ANKRD27: variants seen among roughly 807,000 people sequenced by gnomAD.
ANKRD27 encodes ankyrin repeat domain 27, also known as ankyrin repeat domain-containing protein 27.
Under a neutral mutation model 129.7 loss-of-function variants are expected in ANKRD27, and 112 were observed. The ratio of observed to expected loss-of-function variants is 0.86; its 90% CI spans 0.74 to 1.01. The LOEUF is 1.01. Among genes scored for constraint, ANKRD27 ranks in the 50% least tolerant of loss-of-function variants. ANKRD27 has a pLI of 0.00. For synonymous variants in ANKRD27, 516 were observed against 511.2 expected, an observed-to-expected ratio of 1.01 and a Z score of -0.13; for missense variants, 1,258 against 1,300.5, an observed-to-expected ratio of 0.97 and a Z score of 0.50.
intron 1 of ANKRD27, among the ~76,000 whole-genome samples, chr19:32,666,824 T>G (rs541229401): frequency 6.6e-6 from 1 of 152,120 alleles, no homozygotes; most frequent in East Asian, 1.9e-4. Flanking sequence ...TTTTTTTATT[T>G]TTAGTAGAGA....
rs371955294 is a variant in ANKRD27, at chr19:32,619,417, C to G, written c.1888-38G>C. ...AGCCCCAACGAGAGAGAGGACAGGA[C>G]ACAAGGACACGTGAGGACCAGAGAA... On this transcript the variant is annotated intron_variant, in intron 19 of 28. Coordinates refer to ENST00000306065, the MANE Select transcript of ANKRD27 (RefSeq NM_032139.3). 2.1e-5 allele frequency: 34 copies of G among 1,613,774 alleles called. No individual in the cohort carries two copies. In the African/African-American group the frequency reaches 4.3e-4, roughly 20 times the overall value.
Position 32,607,702 on chromosome 19 carries a change from T to C in ANKRD27, c.2306A>G (p.Asn769Ser), listed in dbSNP as rs1971766033. 1.2e-6 allele frequency: 2 copies of C among 1,613,030 alleles called. No homozygotes were observed. Among genetic ancestry groups the C allele is most frequent in the Non-Finnish European group, 1.7e-6 (2 of 1,179,718 alleles). ...TTGGTCTGCGTTCCTGGCACCTGCGTTGGCCCCGTGCTTCAGCAGGAGGGG... is the reference window on the plus strand; with the variant it reads ...TTGGTCTGCGTTCCTGGCACCTGCGCTGGCCCCGTGCTTCAGCAGGAGGGG... ...LIPLLLKHGANAGARNADQAV... is the reference protein window; with the variant it reads ...LIPLLLKHGASAGARNADQAV... Residue 769 changes from asparagine (N) to serine (S), a missense_variant, in exon 23 of 29, where the codon AAC (asparagine) becomes AGC (serine). Asn to Ser is a conservative substitution (Grantham distance 46). Transcript: ENST00000306065.
At chr19:32,619,151 C>A in intron 20 of ANKRD27, 109 bp downstream of exon 20, 1 of 1,428,540 alleles carries the variant, frequency 7.0e-7, no homozygotes, top group Non-Finnish European at 9.4e-7. Context: ...TCAGCATGGG[C>A]AAGCAGGCTG....
In ANKRD27 at chr19:32,656,017, C is replaced by CA. The variant is rs200251664; in HGVS notation, c.102+2896dup. Among the ~76,000 whole-genome samples the CA allele has an allele frequency of 6.6e-4, 45 of 68,212 alleles. No homozygotes were observed. The East Asian group carries it at 0.014, about 20-fold the overall frequency. 44.7% of individuals were successfully genotyped at this position (68,212 alleles called of 152,430 possible). A position where few individuals can be genotyped will look rare whatever the true frequency, so the allele number is the denominator to read the frequency against. On this transcript the variant is annotated intron_variant, in intron 2 of 28. Coordinates refer to ENST00000306065, the MANE Select transcript of ANKRD27 (RefSeq NM_032139.3). ...TGGGCAACACAGTGAGACTCTGTTTCAAAAAAAAAAGAAGAAAAGAAAGAA... is the reference window on the plus strand; with the variant it reads ...TGGGCAACACAGTGAGACTCTGTTTCAAAAAAAAAAAGAAGAAAAGAAAGAA...
chr19:32,640,206 G>T (rs3760943), intron 11 of ANKRD27, 101 bp downstream of exon 11: 3 of 811,564 alleles, frequency 3.7e-6, no homozygotes, highest in African/African-American at 3.5e-5. Flanking sequence ...CTCGTGATCC[G>T]CCCGCCTTGG....
intron 28 of ANKRD27, 44 bp from the exon 29 acceptor site, chr19:32,598,422 C>G (rs1814974873): frequency 1.3e-6 from 2 of 1,582,692 alleles, no homozygotes; most frequent in Non-Finnish European, 1.7e-6. Flanking sequence ...CCTCACTGTA[C>G]TGGAAGCCAC....
chr19:32,666,735 C>T (rs886979039), intron 1 of ANKRD27, among the ~76,000 whole-genome samples: 1 of 150,580 alleles, frequency 6.6e-6, no homozygotes, highest in Non-Finnish European at 1.5e-5. Context: ...ACCTCCACCC[C>T]TGTGATCAAG....
At chr19:32,604,002 T>TGG (rs754156736) in intron 25 of ANKRD27, among the ~76,000 whole-genome samples, 2 of 151,078 alleles carry the variant, frequency 1.3e-5, no homozygotes, top group African/African-American at 4.9e-5. Flanking sequence ...TACTGCTAGC[T>TGG]GAGGGGGGGG....
chr19:32,634,365 T>C (rs1313622734), intron 12 of ANKRD27, among the ~76,000 whole-genome samples: 3 of 152,310 alleles, frequency 2.0e-5, no homozygotes, highest in South Asian at 2.1e-4. Context: ...ACAGTAAATA[T>C]ACGAGCATCT....
chr19:32,599,378 A>AT (rs2011522894), intron 28 of ANKRD27, among the ~76,000 whole-genome samples: 1 of 152,242 alleles, frequency 6.6e-6, no homozygotes, highest in Non-Finnish European at 1.5e-5. Context: ...ACCCATCTAT[A>AT]TACAAACTGT....
At position 32,622,412 on chromosome 19, in the gene ANKRD27, G is replaced by A; in HGVS notation, c.1827+10C>T. ...AAGTCATCTTGCCCCTCAGAGATGG[G>A]AAGAGCTACCTTTGAGTTTAATGCA... On this transcript the variant is annotated intron_variant, in intron 18 of 28. Coordinates refer to ENST00000306065, the MANE Select transcript of ANKRD27 (RefSeq NM_032139.3). 6.2e-7 allele frequency: 1 copy of A among 1,613,518 alleles called. No homozygotes were observed. The highest frequency in any genetic ancestry group is 8.5e-7 in the Non-Finnish European group (1 of 1,179,896).
chr19:32,604,347 G>T lies in ANKRD27; in HGVS notation c.2571C>A (p.Phe857Leu), dbSNP rs747317563. ...CGTGGAGCAGAAGCAGCTCTACCAC[G>T]AAGACGTGCTTTTCAATCACAGCCT... is the stretch of plus-strand genomic sequence containing the variant. ...LHEAVIEKHV[F>L]VVELLLLHGA... The change falls in exon 25 of 29, where the codon TTC (phenylalanine) becomes TTA (leucine). Residue 857 changes from phenylalanine to leucine, a missense_variant. Transcript: ENST00000306065. 1 of 1,613,784 alleles carries T rather than the reference G, an allele frequency of 6.2e-7. No individual in the cohort carries two copies. Among genetic ancestry groups the T allele is most frequent in the Non-Finnish European group, 8.5e-7 (1 of 1,179,824 alleles).
intron 5 of ANKRD27, 36 bp downstream of exon 5, chr19:32,644,288 CA>C: frequency 6.3e-7 from 1 of 1,598,082 alleles, no homozygotes; most frequent in Non-Finnish European, 8.6e-7. Context: ...TGAACCGAGA[CA>C]GGGCACGCCA....
intron 13 of ANKRD27, 123 bp downstream of exon 13, chr19:32,631,279 A>G: frequency 1.2e-6 from 1 of 864,950 alleles, no homozygotes; most frequent in Non-Finnish European, 1.9e-6. Context: ...TCGGCCTCCC[A>G]AAGTGCTGTG....
chr19:32,613,490 T>C (rs1409572210), intron 22 of ANKRD27, among the ~76,000 whole-genome samples: 1 of 152,208 alleles, frequency 6.6e-6, no homozygotes, highest in African/African-American at 2.4e-5. Flanking sequence ...TCTACTCTAA[T>C]GTTTGTTCGT....
At chr19:32,629,556 C>T (rs1023626446) in intron 13 of ANKRD27, among the ~76,000 whole-genome samples, 5 of 151,990 alleles carry the variant, frequency 3.3e-5, no homozygotes, top group East Asian at 1.9e-4. Context: ...AAAACTTAGC[C>T]GGATGTGGTG....
chr19:32,669,862 T>A (rs1052975974), intron 1 of ANKRD27, among the ~76,000 whole-genome samples: 54 of 151,606 alleles, frequency 3.6e-4, no homozygotes, highest in African/African-American at 1.1e-3. Flanking sequence ...CTGGGCGTGG[T>A]GATGGGCACC....
intron 13 of ANKRD27, 62 bp downstream of exon 13, chr19:32,631,340 G>A (rs1966988150): frequency 1.4e-6 from 2 of 1,451,834 alleles, no homozygotes; most frequent in Non-Finnish European, 1.9e-6. Context: ...ATTTTATAGA[G>A]GCACCAAGAG....
rs1172456743 is a variant in ANKRD27 at position 32,640,404 on chromosome 19, C to T, written c.905-19G>A. The T allele has an allele frequency of 1.9e-6, 3 of 1,604,764 alleles. No homozygotes were observed. Among genetic ancestry groups the T allele is most frequent in the African/African-American group, 1.3e-5 (1 of 74,754 alleles). ...AGGTTCACTGCAAAGGGGAAACACA[C>T]ATTCAATGCCATCATGAGATTCAAA... On this transcript the variant is annotated intron_variant, in intron 10 of 28. Coordinates refer to ENST00000306065, the MANE Select transcript of ANKRD27 (RefSeq NM_032139.3).
Sources: allele counts gnomAD v4.1 joint callset (sites outside exome capture counted in the v4.1 genomes callset), GRCh38; gene constraint gnomAD v4.1.1; transcripts MANE v1.5; gene names NCBI Gene and HGNC (gene_info 2026-07-23, HGNC 2026-07-21).